Variants in CDC42BPA observed in about 807,000 individuals in gnomAD.
CDC42BPA encodes serine/threonine-protein kinase MRCK alpha.
CDC42BPA carries 80 observed loss-of-function variants against 223.5 expected under a neutral mutation model. The ratio of observed to expected loss-of-function variants is 0.36; its 90% confidence interval spans 0.30 to 0.43. The LOEUF (loss-of-function observed/expected upper bound fraction) is 0.43. Ranked by LOEUF, CDC42BPA falls within the 20% of genes least tolerant of loss-of-function variation. The pLI is 1.00. For missense variants in CDC42BPA, 1,743 were observed against 2,099.9 expected, an observed-to-expected ratio of 0.83 and a Z score of 3.32; for synonymous variants, 694 against 718.6, an observed-to-expected ratio of 0.97 and a Z score of 0.55.
At chr1:227,027,538 T>C (rs1297694164) in intron 30 of CDC42BPA, among the ~76,000 whole-genome samples, 1 of 152,226 alleles carries the variant, frequency 6.6e-6, no homozygotes, top group Non-Finnish European at 1.5e-5. Flanking sequence ...CCCTAGGGTT[T>C]TTTTTCCCTT....
chr1:227,154,520 A>C (rs1353460964), intron 6 of CDC42BPA, among the ~76,000 whole-genome samples: 1 of 152,044 alleles, frequency 6.6e-6, no homozygotes, highest in Admixed American at 6.5e-5. Flanking sequence ...AATTAGCAAG[A>C]TTGCTAGATT....
Position 227,122,417 on chromosome 1 carries a change from TA to T in CDC42BPA, c.1514-2481del, listed in dbSNP as rs554906443. On this transcript the variant is annotated intron_variant, in intron 11 of 36. Coordinates refer to ENST00000366766, the MANE Select transcript of CDC42BPA (RefSeq NM_001394014.1). ...TATTTCATAAAATTTCTCTACCATATAAAGTTTGTAACAGATGATATCACAG... is the reference window on the plus strand; with the variant it reads ...TATTTCATAAAATTTCTCTACCATATAAGTTTGTAACAGATGATATCACAG... 1.6e-4 allele frequency among the ~76,000 whole-genome samples: 24 copies of T among 152,360 alleles called. No homozygotes were observed. In the South Asian group the frequency reaches 4.3e-3, roughly 28 times the overall value.
At chr1:227,210,132 T>C (rs189923470) in intron 3 of CDC42BPA, among the ~76,000 whole-genome samples, 1 of 152,322 alleles carries the variant, frequency 6.6e-6, no homozygotes, top group East Asian at 1.9e-4. Flanking sequence ...TGTTGGACAT[T>C]TGGGTTGGTT....
chr1:227,001,480 A>G (rs897976636), intron 35 of CDC42BPA, among the ~76,000 whole-genome samples: 9 of 152,210 alleles, frequency 5.9e-5, no homozygotes, highest in Non-Finnish European at 1.2e-4. Context: ...ACTTCTAAGG[A>G]GATGGGCTGT....
intron 11 of CDC42BPA, among the ~76,000 whole-genome samples, chr1:227,122,087 C>T (rs7355000): frequency 0.17 from 25,841 of 152,154 alleles, 2,346 homozygotes; most frequent in Non-Finnish European, 0.19. Context: ...AGGCATGAGC[C>T]ACTGCCCCTT....
chr1:227,043,306 G>A (rs1252207913), intron 23 of CDC42BPA, among the ~76,000 whole-genome samples: 1 of 151,656 alleles, frequency 6.6e-6, no homozygotes, highest in Admixed American at 6.6e-5. Flanking sequence ...CCAGCTACTC[G>A]GGAGGCTGAG....
At chr1:227,162,999 TGTA>T (rs1664284858) in intron 5 of CDC42BPA, among the ~76,000 whole-genome samples, 1 of 51,274 alleles carries the variant, frequency 2.0e-5, no homozygotes, top group Admixed American at 1.8e-4. Flanking sequence ...TCCAAACATG[TGTA>T]TGTTTCCAAA....
chr1:227,085,748 T>C (rs1681735647), intron 16 of CDC42BPA, among the ~76,000 whole-genome samples: 1 of 152,242 alleles, frequency 6.6e-6, no homozygotes, highest in Non-Finnish European at 1.5e-5. Context: ...GATTTGCCTA[T>C]TGCAAACAAG....
At chr1:227,257,423 T>C (rs1418726985) in intron 1 of CDC42BPA, among the ~76,000 whole-genome samples, 1 of 150,938 alleles carries the variant, frequency 6.6e-6, no homozygotes, top group Non-Finnish European at 1.5e-5. Flanking sequence ...AGGTGAATTG[T>C]TTGGTATGTC....
In CDC42BPA at chr1:227,074,342, G is replaced by C. The variant is rs746759258; in HGVS notation, c.2503C>G (p.Arg835Gly). ...IQWVSDEKDA[R>G]GYLQALASKM... The stretch of plus-strand genomic sequence containing the variant: ...GAAGCTAAGGCCTGAAGATACCCTC[G>C]TGCATCCTTTTCATCGCTGACCCTA... Residue 835 changes from arginine (R) to glycine (G), a missense_variant, in exon 18 of 37, where the codon CGA (arginine) becomes GGA (glycine). Around this residue, in one of 6 missense-constraint regions of CDC42BPA, gnomAD observed 464 missense variants for 488.0 expected, o/e 0.95. Transcript: ENST00000366766. 1 of 1,612,980 alleles carries C rather than the reference G, an allele frequency of 6.2e-7. No individual in the cohort carries two copies. The highest frequency in any genetic ancestry group is 1.1e-5 in the South Asian group (1 of 90,954).
chr1:227,183,682 A>G (rs559988726), intron 5 of CDC42BPA, among the ~76,000 whole-genome samples: 13 of 152,350 alleles, frequency 8.5e-5, no homozygotes, highest in African/African-American at 3.1e-4. Context: ...TTCTGTGAAT[A>G]TAAATCTTGA....
intron 21 of CDC42BPA, among the ~76,000 whole-genome samples, chr1:227,060,030 G>GTTTTTTTT (rs66527313): frequency 2.5e-5 from 3 of 117,688 alleles, no homozygotes; most frequent in Non-Finnish European, 5.0e-5. Flanking sequence ...GTTTTTTTTT[G>GTTTTTTTT]TTTTTTTTTT....
At chr1:227,139,501 A>C in intron 10 of CDC42BPA, 75 bp downstream of exon 10, 1 of 984,848 alleles carries the variant, frequency 1.0e-6, no homozygotes, top group South Asian at 2.3e-5. Context: ...AAGATAAAAC[A>C]ACCACTTATA....
intron 28 of CDC42BPA, among the ~76,000 whole-genome samples, chr1:227,030,892 A>C (rs576092973): frequency 6.6e-6 from 1 of 152,300 alleles, no homozygotes; most frequent in Non-Finnish European, 1.5e-5. Flanking sequence ...GCCATTTGTT[A>C]AGGGGATTTC....
intron 26 of CDC42BPA, 71 bp downstream of exon 26, chr1:227,034,584 T>C: frequency 7.1e-7 from 1 of 1,409,644 alleles, no homozygotes. Context: ...GGCAACACAA[T>C]TTTTGAAAAT....
chr1:227,230,751 T>C (rs1054404534), intron 2 of CDC42BPA, among the ~76,000 whole-genome samples: 12 of 151,936 alleles, frequency 7.9e-5, no homozygotes, highest in Non-Finnish European at 1.5e-4. Flanking sequence ...GGTGGTCTAT[T>C]AATACTTAAA....
At chr1:226,999,787 A>C (rs954020821) in intron 35 of CDC42BPA, among the ~76,000 whole-genome samples, 1 of 152,132 alleles carries the variant, frequency 6.6e-6, no homozygotes, top group African/African-American at 2.4e-5. Context: ...GGATGAGTTC[A>C]TGTCCTTTAC....
At chr1:227,198,439 A>AAAC (rs1167860252) in intron 4 of CDC42BPA, among the ~76,000 whole-genome samples, 3 of 93,048 alleles carry the variant, frequency 3.2e-5, no homozygotes, top group Non-Finnish European at 4.7e-5. Flanking sequence ...TCCAGCAAAC[A>AAAC]AAAAAAAAAA....
chr1:227,040,520 AATCTTAGCTTCAGAATTT>A (rs1671157381), intron 23 of CDC42BPA, among the ~76,000 whole-genome samples: 1 of 152,212 alleles, frequency 6.6e-6, no homozygotes, highest in Non-Finnish European at 1.5e-5. Context: ...GGGGCTCATA[AATCTTAGCTTCAGAATTT>A]TAATAAATTA....
Sources: gnomAD v4.1 joint callset for allele counts (sites outside exome capture counted in the v4.1 genomes callset) on GRCh38, gnomAD v4.1.1 for gene constraint, gnomAD v4.1.1 regional missense constraint, MANE v1.5 for transcripts, NCBI Gene and HGNC (gene_info 2026-07-23, HGNC 2026-07-21) for gene names.